The following STK32A variants were observed in gnomAD, a reference collection of about 807,000 sequenced individuals.
STK32A encodes serine/threonine-protein kinase 32A.
Under a neutral mutation model 53.2 loss-of-function variants are expected in STK32A, and 41 were observed. The observed-to-expected ratio is 0.77, with a 90% CI of 0.60 to 1.00. STK32A has a LOEUF of 1.00. Ranked by LOEUF, STK32A falls within the 50% of genes least tolerant of loss-of-function variation. The pLI, the probability that STK32A is intolerant of heterozygous loss-of-function variation, is 0.00. For missense variants in STK32A, 458 were observed against 485.8 expected, an observed-to-expected ratio of 0.94 and a Z score of 0.54; for synonymous variants, 166 against 162.8, an observed-to-expected ratio of 1.02 and a Z score of -0.15.
At chr5:147,338,777 A>T (rs1755263631) in intron 5 of STK32A, among the ~76,000 whole-genome samples, 1 of 152,286 alleles carries the variant, frequency 6.6e-6, no homozygotes, top group East Asian at 1.9e-4. Flanking sequence ...TGCCATAGAG[A>T]TCTGTGTAAC....
chr5:147,291,317 G>C (rs1361820388), intron 4 of STK32A, among the ~76,000 whole-genome samples: 1 of 152,008 alleles, frequency 6.6e-6, no homozygotes, highest in Non-Finnish European at 1.5e-5. Flanking sequence ...TCCCACATTT[G>C]GGGGAAGGGG....
intron 2 of STK32A, among the ~76,000 whole-genome samples, chr5:147,253,823 G>A (rs1754105597): frequency 6.6e-6 from 1 of 152,214 alleles, no homozygotes; most frequent in African/African-American, 2.4e-5. Context: ...CCATACTGGA[G>A]GAGGGAGTGC....
At chr5:147,365,075 A>C (rs1332655684) in intron 8 of STK32A, among the ~76,000 whole-genome samples, 1 of 152,168 alleles carries the variant, frequency 6.6e-6, no homozygotes, top group Non-Finnish European at 1.5e-5. Context: ...GCTGCTGTCA[A>C]TAGCCCTCTT....
intron 7 of STK32A, among the ~76,000 whole-genome samples, chr5:147,358,549 A>C (rs1756359412): frequency 6.6e-6 from 1 of 152,180 alleles, no homozygotes; most frequent in Non-Finnish European, 1.5e-5. Context: ...CAACAATGGG[A>C]TAGGTAGGTA....
At chr5:147,335,920 G>A (rs181532270) in intron 5 of STK32A, among the ~76,000 whole-genome samples, 14 of 152,326 alleles carry the variant, frequency 9.2e-5, no homozygotes, top group African/African-American at 1.4e-4. Flanking sequence ...TGAAGAATGC[G>A]TATTAGAAAG....
intron 2 of STK32A, among the ~76,000 whole-genome samples, chr5:147,275,643 C>A (rs1231786340): frequency 6.6e-6 from 1 of 152,076 alleles, no homozygotes. Flanking sequence ...CACTTTTAAT[C>A]TATCATTGGC....
intron 9 of STK32A, among the ~76,000 whole-genome samples, chr5:147,371,642 A>T (rs1400288428): frequency 6.6e-6 from 1 of 152,282 alleles, no homozygotes; most frequent in African/African-American, 2.4e-5. Flanking sequence ...AACTTGAGAG[A>T]AGCATTTAGA....
At chr5:147,260,736 G>A (rs1754524581) in intron 2 of STK32A, among the ~76,000 whole-genome samples, 2 of 152,092 alleles carry the variant, frequency 1.3e-5, no homozygotes, top group South Asian at 4.1e-4. Context: ...GCAGAATCAG[G>A]CCCCTCTTAG....
chr5:147,392,218 T>C (rs546235095), downstream of STK32A: 1 of 152,296 alleles, frequency 6.6e-6, no homozygotes, highest in South Asian at 2.1e-4. Flanking sequence ...TTACTACATC[T>C]CCCTTAAAAG....
chr5:147,309,701 T>C (rs1753595438), intron 4 of STK32A, among the ~76,000 whole-genome samples: 1 of 152,194 alleles, frequency 6.6e-6, no homozygotes, highest in South Asian at 2.1e-4. Flanking sequence ...CTAATATTTT[T>C]AAGAATTTAC....
rs545562770 is a variant in STK32A at position 147,339,186 on chromosome 5, C to CGTAG, written c.435-3819_435-3816dup. ...GCTGGGCCCAGGGCCTTGCTGCTTT[C>CGTAG]GTAGTCTCAGGACTTGCTGCCCTGC... On this transcript the variant is annotated intron_variant, in intron 5 of 12. Coordinates refer to ENST00000397936, the MANE Select transcript of STK32A (RefSeq NM_001112724.2). Among the ~76,000 whole-genome samples, 560 of 152,302 alleles carry CGTAG rather than the reference C, an allele frequency of 3.7e-3. 3 individuals carry two copies. Among genetic ancestry groups the CGTAG allele is most frequent in the African/African-American group, 0.013 (540 of 41,556 alleles).
intron 7 of STK32A, among the ~76,000 whole-genome samples, chr5:147,355,069 C>G (rs1352292831): frequency 6.6e-6 from 1 of 152,010 alleles, no homozygotes; most frequent in Non-Finnish European, 1.5e-5. Context: ...TCATAGGATA[C>G]TAAGTAGCAA....
chr5:147,338,589 G>A (rs1755253590), intron 5 of STK32A, among the ~76,000 whole-genome samples: 1 of 152,162 alleles, frequency 6.6e-6, no homozygotes, highest in South Asian at 2.1e-4. Flanking sequence ...GGAAAATGTG[G>A]GAAAGTGTGG....
chr5:147,372,693 G>T (rs72833310), intron 9 of STK32A, among the ~76,000 whole-genome samples: 142 of 152,072 alleles, frequency 9.3e-4, no homozygotes, highest in Non-Finnish European at 1.5e-3. Flanking sequence ...TATCTATGCC[G>T]CCCCCAATGT....
chr5:147,361,687 T>C, intron 8 of STK32A, 73 bp downstream of exon 8: 1 of 1,037,606 alleles, frequency 9.6e-7, no homozygotes. Context: ...ATGTATTGTT[T>C]GCTAAGATCC....
the STK32A span, chr5:147,398,955 G>A: frequency 1.6e-6 from 2 of 1,290,266 alleles, no homozygotes; most frequent in Non-Finnish European, 1.1e-6. Flanking sequence ...GAGATTTAGG[G>A]GATGGATTAT....
intron 8 of STK32A, 138 bp from the exon 9 acceptor site, chr5:147,370,516 A>G: frequency 2.0e-6 from 1 of 494,120 alleles, no homozygotes; most frequent in Non-Finnish European, 3.7e-6. Context: ...ACATATGGCA[A>G]CGCAAGAGTC....
At chr5:147,396,330 T>C in the STK32A span, among the ~76,000 whole-genome samples, 1 of 152,172 alleles carries the variant, frequency 6.6e-6, no homozygotes, top group Non-Finnish European at 1.5e-5. Flanking sequence ...ACCCAGCACA[T>C]GCTCTGCTAG....
intron 11 of STK32A, among the ~76,000 whole-genome samples, chr5:147,380,914 C>A (rs538377298): frequency 1.8e-4 from 28 of 152,232 alleles, no homozygotes; most frequent in African/African-American, 6.3e-4. Flanking sequence ...TATGTATTAG[C>A]CTCTTATACA....
Sources: gnomAD v4.1 joint callset for allele counts (sites outside exome capture counted in the v4.1 genomes callset) on GRCh38, gnomAD v4.1.1 for gene constraint, MANE v1.5 for transcripts, NCBI Gene and HGNC (gene_info 2026-07-23, HGNC 2026-07-21) for gene names.